The following SGCD variants were observed in gnomAD, a reference collection of about 807,000 sequenced individuals.
SGCD encodes the protein delta-sarcoglycan.
In SGCD, 18 loss-of-function variants were observed where a neutral mutation model predicts 36.6. The ratio of observed to expected loss-of-function variants is 0.49; its 90% CI spans 0.34 to 0.73. The LOEUF (loss-of-function observed/expected upper bound fraction) is 0.73. Ranked by LOEUF, SGCD falls within the 30% of genes least tolerant of loss-of-function variation. The probability of loss-of-function intolerance (pLI) is 0.01; values close to 1 mark genes in which losing one functional copy is unlikely to be tolerated. For synonymous variants in SGCD, 133 were observed against 130.6 expected (o/e 1.02, Z -0.12); for missense variants, 387 against 346.7 (o/e 1.12, Z -0.92).
chr5:156,670,681 G>A (rs1439732779), intron 7 of SGCD, among the ~76,000 whole-genome samples: 1 of 152,110 alleles, frequency 6.6e-6, no homozygotes, highest in Admixed American at 6.5e-5. Flanking sequence ...TCAGCCAAAG[G>A]GGTTCTTATT....
intron 1 of SGCD, among the ~76,000 whole-genome samples, chr5:156,000,395 T>C (rs769666382): frequency 5.9e-5 from 9 of 152,210 alleles, no homozygotes; most frequent in Non-Finnish European, 1.3e-4. Flanking sequence ...CACATTCCTT[T>C]GACTCAGTGG....
chr5:155,927,158 G>A (rs80080561), intron 1 of SGCD, among the ~76,000 whole-genome samples: 1 of 152,102 alleles, frequency 6.6e-6, no homozygotes, highest in African/African-American at 2.4e-5. Context: ...AAATGTTATA[G>A]TATCCATTTC....
chr5:155,892,473 A>C (rs1380790592), intron 1 of SGCD, among the ~76,000 whole-genome samples: 1 of 151,212 alleles, frequency 6.6e-6, no homozygotes, highest in Non-Finnish European at 1.5e-5. Flanking sequence ...AAAAAAAAAA[A>C]AAAAAAAAAA....
intron 4 of SGCD, among the ~76,000 whole-genome samples, chr5:156,549,618 G>A (rs1758712997): frequency 6.6e-6 from 1 of 152,200 alleles, no homozygotes; most frequent in Non-Finnish European, 1.5e-5. Flanking sequence ...TGTTGCACTA[G>A]GCCACATTCA....
chr5:156,212,074 G>C (rs1298413798), intron 3 of SGCD, among the ~76,000 whole-genome samples: 1 of 152,140 alleles, frequency 6.6e-6, no homozygotes, highest in Non-Finnish European at 1.5e-5. Context: ...AATCACAAAG[G>C]AAGCCAGCAA....
chr5:156,237,651 G>A (rs1765200688), intron 3 of SGCD, among the ~76,000 whole-genome samples: 1 of 151,958 alleles, frequency 6.6e-6, no homozygotes, highest in South Asian at 2.1e-4. Context: ...AACAAAGCGG[G>A]ACACTTTCAG....
chr5:156,346,764 C>T (rs78292920), intron 3 of SGCD, among the ~76,000 whole-genome samples: 2,137 of 151,476 alleles, frequency 0.014, 23 homozygotes, highest in Non-Finnish European at 0.023. Flanking sequence ...CAATACTTCT[C>T]AACTTGGGCT....
intron 3 of SGCD, among the ~76,000 whole-genome samples, chr5:156,194,574 A>C (rs1005182587): frequency 1.1e-4 from 16 of 152,128 alleles, no homozygotes; most frequent in Admixed American, 3.3e-4. Flanking sequence ...TTGCATAGAT[A>C]AGCTACAGAT....
intron 3 of SGCD, among the ~76,000 whole-genome samples, chr5:156,459,857 G>T (rs1254436867): frequency 6.6e-6 from 1 of 152,082 alleles, no homozygotes; most frequent in East Asian, 1.9e-4. Flanking sequence ...TTCCCTGGGG[G>T]TTTGAACAAG....
chr5:156,545,745 C>A (rs1758547898), intron 4 of SGCD, among the ~76,000 whole-genome samples: 1 of 152,138 alleles, frequency 6.6e-6, no homozygotes, highest in South Asian at 2.1e-4. Context: ...GGGTTGGGAA[C>A]CCCTGATCTA....
intron 1 of SGCD, among the ~76,000 whole-genome samples, chr5:156,055,515 G>A (rs1264810207): frequency 6.8e-6 from 1 of 146,424 alleles, no homozygotes; most frequent in Non-Finnish European, 1.5e-5. Flanking sequence ...TGGATTTGAA[G>A]ATTGTTACTT....
At chr5:156,173,104 A>G (rs1218294143) in intron 3 of SGCD, among the ~76,000 whole-genome samples, 2 of 152,152 alleles carry the variant, frequency 1.3e-5, no homozygotes, top group African/African-American at 4.8e-5. Flanking sequence ...AATCTCTGAC[A>G]TAGGCAAGTC....
intron 1 of SGCD, among the ~76,000 whole-genome samples, chr5:155,943,921 C>A (rs1285502387): frequency 6.6e-6 from 1 of 152,188 alleles, no homozygotes; most frequent in African/African-American, 2.4e-5. Context: ...TGTCGAATAG[C>A]TCAAAGGTGA....
At chr5:156,090,021 A>G (rs1761201954) in intron 1 of SGCD, among the ~76,000 whole-genome samples, 1 of 152,272 alleles carries the variant, frequency 6.6e-6, no homozygotes, top group African/African-American at 2.4e-5. Flanking sequence ...CCAAATGAAT[A>G]TGAAGGTCCC....
intron 4 of SGCD, among the ~76,000 whole-genome samples, chr5:156,575,464 A>T (rs573990864): frequency 2.6e-5 from 4 of 152,330 alleles, no homozygotes; most frequent in African/African-American, 9.6e-5. Flanking sequence ...CTAGAGTGCT[A>T]GTCCTATCTT....
At chr5:156,180,572 G>A (rs1763583875) in intron 3 of SGCD, among the ~76,000 whole-genome samples, 1 of 151,964 alleles carries the variant, frequency 6.6e-6, no homozygotes, top group Admixed American at 6.6e-5. Flanking sequence ...AATAATGGAG[G>A]GGCCAGGGGA....
At chr5:156,577,774 G>A (rs1162665750) in intron 4 of SGCD, among the ~76,000 whole-genome samples, 1 of 152,220 alleles carries the variant, frequency 6.6e-6, no homozygotes, top group East Asian at 1.9e-4. Flanking sequence ...TTTGTATCCT[G>A]AGACTTTGCT....
chr5:155,881,318 A>ATAAATAAG (rs1755879848), intron 1 of SGCD, among the ~76,000 whole-genome samples: 1 of 151,910 alleles, frequency 6.6e-6, no homozygotes, highest in Non-Finnish European at 1.5e-5. Flanking sequence ...AAATAAATAA[A>ATAAATAAG]TAAATAAAGA....
In SGCD at chr5:156,683,584, G is replaced by GA. The variant is rs1335571189; in HGVS notation, c.575+36049dup. Among the ~76,000 whole-genome samples, 3 of 152,146 alleles carry GA rather than the reference G, an allele frequency of 2.0e-5. No homozygotes were observed. In the East Asian group the frequency reaches 5.8e-4, roughly 29 times the overall value. On this transcript the variant is annotated intron_variant, in intron 7 of 8. Transcript: ENST00000337851. ...GACACAGGTCCAAATGTCTTTATCA[G>GA]ACAAAAACAAAAAACCTTCCTGGTA...
Sources: allele counts gnomAD v4.1 joint callset (sites outside exome capture counted in the v4.1 genomes callset), GRCh38; gene constraint gnomAD v4.1.1; transcripts MANE v1.5; gene names NCBI Gene and HGNC (gene_info 2026-07-23, HGNC 2026-07-21).